NCBP3: variants seen among roughly 807,000 people sequenced by gnomAD.
NCBP3 encodes nuclear cap-binding protein subunit 3.
NCBP3 carries 20 observed loss-of-function variants against 75.7 expected under a neutral mutation model. The observed-to-expected ratio is 0.26, with a 90% CI of 0.19 to 0.38. The LOEUF (loss-of-function observed/expected upper bound fraction) is 0.38. Among genes scored for constraint, NCBP3 ranks in the 10% least tolerant of loss-of-function variants. The probability of loss-of-function intolerance (pLI) is 1.00; values close to 1 mark genes in which losing one functional copy is unlikely to be tolerated. For missense variants in NCBP3, 678 were observed against 796.9 expected, an observed-to-expected ratio of 0.85 and a Z score of 1.80; for synonymous variants, 293 against 290.5, an observed-to-expected ratio of 1.01 and a Z score of -0.09.
intron 2 of NCBP3, 79 bp from the exon 3 acceptor site, chr17:3,840,284 T>C (rs891369300): frequency 1.9e-5 from 21 of 1,128,988 alleles, no homozygotes; most frequent in Non-Finnish European, 2.7e-5. Flanking sequence ...GATGCATCAG[T>C]GACAAACCTG....
At chr17:3,835,713 G>A (rs1234715463) in intron 3 of NCBP3, among the ~76,000 whole-genome samples, 2 of 152,276 alleles carry the variant, frequency 1.3e-5, no homozygotes, top group South Asian at 2.1e-4. Context: ...AAGGCCTGCA[G>A]GGTTGGGCAC....
At chr17:3,815,254 T>A (rs1302121501) in intron 11 of NCBP3, among the ~76,000 whole-genome samples, 1 of 152,180 alleles carries the variant, frequency 6.6e-6, no homozygotes, top group Non-Finnish European at 1.5e-5. Context: ...TAAGATCAGG[T>A]TACTTCTCAT....
At position 3,812,379 on chromosome 17, in the gene NCBP3, C is replaced by T. The variant is rs190913702; in HGVS notation, c.*665G>A. On this transcript the variant is annotated 3_prime_UTR_variant, in exon 13 of 13. Coordinates refer to ENST00000389005, the MANE Select transcript of NCBP3 (RefSeq NM_001114118.3). ...GTCACAGTTTTTTGTTCCTAAAAAT[C>T]CCACAGCACTGAACTTGATCTTCAC... The T allele has an allele frequency of 6.3e-5, 27 of 426,452 alleles. No individual in the cohort carries two copies. In the Admixed American group the frequency reaches 1.5e-3, roughly 24 times the overall value. 26.4% of individuals were successfully genotyped at this position (426,452 alleles called of 1,614,324 possible).
At chr17:3,833,466 T>G (rs1171816705) in intron 3 of NCBP3, among the ~76,000 whole-genome samples, 1 of 152,044 alleles carries the variant, frequency 6.6e-6, no homozygotes. Flanking sequence ...TTGAACAGGA[T>G]TATCCATTGC....
chr17:3,836,541 T>G (rs886526233), intron 3 of NCBP3, among the ~76,000 whole-genome samples: 1 of 151,360 alleles, frequency 6.6e-6, no homozygotes, highest in Non-Finnish European at 1.5e-5. Flanking sequence ...TAATCCCAGC[T>G]ACTCAGGAAG....
At chr17:3,813,970 G>A (rs1269238336) in intron 12 of NCBP3, among the ~76,000 whole-genome samples, 8 of 152,076 alleles carry the variant, frequency 5.3e-5, no homozygotes, top group African/African-American at 1.9e-4. Context: ...TGGCCTAAAA[G>A]TTTTATTTAT....
rs756893326 is a variant in NCBP3 at position 3,818,411 on chromosome 17, C to T, written c.1162G>A (p.Ala388Thr). 4.3e-6 allele frequency: 7 copies of T among 1,614,000 alleles called. No homozygotes were observed. Among genetic ancestry groups the T allele is most frequent in the African/African-American group, 1.3e-5 (1 of 74,884 alleles). The change falls in exon 10 of 13, where the codon GCG becomes ACG. Residue 388 changes from alanine (A) to threonine (T), a missense_variant. Coordinates refer to ENST00000389005, the MANE Select transcript of NCBP3 (RefSeq NM_001114118.3). The surrounding 1 kb of genome is among the most constrained non-coding windows in gnomAD (Gnocchi z 4.7). ...PALKQPRERS[A>T]SRRSSASSSD... ...CTGCTGGCACTGGATCGTCTAGACG[C>T]GCTCCGCTCCCGGGGCTGCTTGAGA...
Position 3,812,410 on chromosome 17 carries a change from G to T in NCBP3, c.*634C>A. 1 of 625,854 alleles carries T rather than the reference G, an allele frequency of 1.6e-6. No individual in the cohort carries two copies. The highest frequency in any genetic ancestry group is 2.0e-6 in the Non-Finnish European group (1 of 500,898). The allele number at this position is 625,854 out of a possible 1,614,324, so 38.8% of individuals were successfully genotyped here. On this transcript the variant is annotated 3_prime_UTR_variant, in exon 13 of 13. Coordinates refer to ENST00000389005, the MANE Select transcript of NCBP3 (RefSeq NM_001114118.3). ...GCACTGAACTTGATCTTCACATCAA[G>T]CTGACAGCACGTAAGAGGCCCATGC...
intron 3 of NCBP3, among the ~76,000 whole-genome samples, chr17:3,834,954 A>G (rs1425208407): frequency 6.6e-6 from 1 of 152,200 alleles, no homozygotes; most frequent in Non-Finnish European, 1.5e-5. Flanking sequence ...CACGTAATCC[A>G]GTTCCTCATG....
intron 4 of NCBP3, among the ~76,000 whole-genome samples, chr17:3,828,707 T>G (rs1210012750): frequency 6.6e-6 from 1 of 152,108 alleles, no homozygotes; most frequent in Non-Finnish European, 1.5e-5. Flanking sequence ...GGTGACATTC[T>G]AGAACACACA....
At position 3,826,378 on chromosome 17, in the gene NCBP3, G is replaced by A. The variant is rs551681154; in HGVS notation, c.482-163C>T. Reference sequence around the variant, plus strand: ...AAGAGAAATATAGACCAGGCATGGTGACTCACACCTATAACCCCAGTACTT... The same window carrying A: ...AAGAGAAATATAGACCAGGCATGGTAACTCACACCTATAACCCCAGTACTT... On this transcript the variant is annotated intron_variant, in intron 4 of 12. Transcript: ENST00000389005. 2.0e-5 allele frequency among the ~76,000 whole-genome samples: 3 copies of A among 152,284 alleles called. No homozygotes were observed. In the South Asian group the frequency reaches 6.2e-4, roughly 32 times the overall value.
intron 10 of NCBP3, among the ~76,000 whole-genome samples, chr17:3,817,402 A>G (rs576194957): frequency 3.3e-5 from 5 of 152,048 alleles, no homozygotes; most frequent in Non-Finnish European, 7.4e-5. Context: ...AGGCTGAGGC[A>G]GGTGGATCAC....
At chr17:3,835,383 C>A (rs1371970103) in intron 3 of NCBP3, among the ~76,000 whole-genome samples, 1 of 152,174 alleles carries the variant, frequency 6.6e-6, no homozygotes, top group Non-Finnish European at 1.5e-5. Flanking sequence ...GTGAATCCAA[C>A]CATAACTGGA....
At chr17:3,842,315 C>A (rs974353708) in intron 2 of NCBP3, among the ~76,000 whole-genome samples, 5 of 152,120 alleles carry the variant, frequency 3.3e-5, no homozygotes, top group Non-Finnish European at 5.9e-5. Context: ...GTCCTACCTA[C>A]TCAGGAGGCT....
rs1436471571 is a variant in NCBP3, at chr17:3,811,510, T to C, written c.*1534A>G. 6.6e-6 allele frequency: 1 copy of C among 152,246 alleles called. No homozygotes were observed. Among genetic ancestry groups the C allele is most frequent in the African/African-American group, 2.4e-5 (1 of 41,470 alleles). 9.4% of individuals were successfully genotyped at this position (152,246 alleles called of 1,614,324 possible). On this transcript the variant is annotated 3_prime_UTR_variant, in exon 13 of 13. Transcript: ENST00000389005. ...AAAAGCAAGGTTAATCAACAAAATA[T>C]GGGACAATACAGTTTTTGTTGCAGC... is the stretch of plus-strand genomic sequence containing the variant.
At chr17:3,839,986 G>C (rs189455171) in intron 3 of NCBP3, 114 bp downstream of exon 3, 517 of 732,166 alleles carry the variant, frequency 7.1e-4, no homozygotes, top group Non-Finnish European at 1.0e-3. Flanking sequence ...CTTCTCACAA[G>C]AGTGCTTGGA....
At chr17:3,845,696 C>T (rs934993599) in intron 1 of NCBP3, among the ~76,000 whole-genome samples, 2 of 152,160 alleles carry the variant, frequency 1.3e-5, no homozygotes, top group Non-Finnish European at 2.9e-5. Context: ...GGTTCTGTTC[C>T]CGCCCAGGGC....
intron 2 of NCBP3, among the ~76,000 whole-genome samples, chr17:3,840,917 T>C (rs1481382211): frequency 6.6e-6 from 1 of 152,256 alleles, no homozygotes; most frequent in African/African-American, 2.4e-5. Flanking sequence ...AAGTTTCTTC[T>C]AAGAGCTAAA....
intron 2 of NCBP3, among the ~76,000 whole-genome samples, chr17:3,840,787 A>G (rs1349833903): frequency 6.6e-6 from 1 of 152,218 alleles, no homozygotes; most frequent in Non-Finnish European, 1.5e-5. Context: ...CTGTTTAAAA[A>G]TAACACCGAA....
Sources: gnomAD v4.1 joint callset for allele counts (sites outside exome capture counted in the v4.1 genomes callset) on GRCh38, gnomAD v4.1.1 for gene constraint, Gnocchi (gnomAD v3.1) non-coding constraint, MANE v1.5 for transcripts, NCBI Gene and HGNC (gene_info 2026-07-23, HGNC 2026-07-21) for gene names.